Variants in PTPRD observed in about 807,000 individuals in gnomAD.
PTPRD encodes receptor-type tyrosine-protein phosphatase delta.
PTPRD carries 34 observed loss-of-function variants against 214.5 expected under a neutral mutation model. The ratio of observed to expected loss-of-function variants is 0.16; its 90% CI spans 0.12 to 0.21. PTPRD has a LOEUF of 0.21. Among genes scored for constraint, PTPRD ranks in the 10% least tolerant of loss-of-function variants. The probability of loss-of-function intolerance (pLI) is 1.00; values close to 1 mark genes in which losing one functional copy is unlikely to be tolerated. For missense variants in PTPRD, 2,545 were observed against 2,398.7 expected (o/e 1.06, Z -1.27); for synonymous variants, 1,128 against 845.7 (o/e 1.33, Z -5.79).
rs1345209420 is a variant in PTPRD, at chr9:10,435,705, CA to C, written c.-599-94689del. Among the ~76,000 whole-genome samples the C allele has an allele frequency of 7.9e-5, 12 of 151,924 alleles. No individual in the cohort carries two copies. In the East Asian group the frequency reaches 1.4e-3, roughly 17 times the overall value. On this transcript the variant is annotated intron_variant, in intron 2 of 45. Coordinates refer to ENST00000381196, the MANE Select transcript of PTPRD (RefSeq NM_002839.4). ...GATGAATATAAAATAAACTAATAAT[CA>C]TGCATAAAATATGTTTTATTATCCT...
chr9:8,354,098 TAATA>T (rs2076371171), intron 39 of PTPRD, among the ~76,000 whole-genome samples: 1 of 151,376 alleles, frequency 6.6e-6, no homozygotes, highest in African/African-American at 2.4e-5. Context: ...ATTTATTACA[TAATA>T]AATTGAAATT....
At position 9,974,936 on chromosome 9, in the gene PTPRD, T is replaced by C. The variant is rs34390875; in HGVS notation, c.-471-36326A>G. Among the ~76,000 whole-genome samples, 270 of 152,232 alleles carry C rather than the reference T, an allele frequency of 1.8e-3. 1 individual carries two copies. The highest frequency in any genetic ancestry group is 3.3e-3 in the Non-Finnish European group (225 of 68,008). The stretch of plus-strand genomic sequence containing the variant: ...CCTTATTTCTGAGATATTTATAGTA[T>C]ATTAAGGGGTAGAGAGAAGGAAAAC... On this transcript the variant is annotated intron_variant, in intron 4 of 45. Coordinates refer to ENST00000381196, the MANE Select transcript of PTPRD (RefSeq NM_002839.4).
chr9:9,649,108 T>C (rs1332058154), intron 7 of PTPRD, among the ~76,000 whole-genome samples: 1 of 152,112 alleles, frequency 6.6e-6, no homozygotes, highest in African/African-American at 2.4e-5. Flanking sequence ...AGACGCAGTG[T>C]TATTCAGGGT....
intron 3 of PTPRD, among the ~76,000 whole-genome samples, chr9:10,054,673 T>C (rs1397319237): frequency 6.6e-6 from 1 of 152,090 alleles, no homozygotes; most frequent in Non-Finnish European, 1.5e-5. Flanking sequence ...CTAACTTCAA[T>C]ATGCAGGAAT....
chr9:9,693,613 C>A (rs2097315195), intron 7 of PTPRD, among the ~76,000 whole-genome samples: 1 of 152,148 alleles, frequency 6.6e-6, no homozygotes, highest in African/African-American at 2.4e-5. Context: ...TCTTCTTGTA[C>A]ATGAATGTTA....
At chr9:9,433,082 A>C (rs918368599) in intron 8 of PTPRD, among the ~76,000 whole-genome samples, 2 of 152,160 alleles carry the variant, frequency 1.3e-5, no homozygotes, top group African/African-American at 4.8e-5. Flanking sequence ...AAGATAGGAC[A>C]AGGTAGATAA....
intron 3 of PTPRD, among the ~76,000 whole-genome samples, chr9:10,133,353 C>G (rs1057029351): frequency 6.6e-6 from 1 of 152,124 alleles, no homozygotes; most frequent in East Asian, 1.9e-4. Flanking sequence ...TAGATTCCTA[C>G]AGCTAAAAAA....
intron 8 of PTPRD, among the ~76,000 whole-genome samples, chr9:9,568,768 T>G (rs117771720): frequency 0.018 from 2,714 of 151,752 alleles, 45 homozygotes; most frequent in Admixed American, 0.025. Context: ...TTTGATGGGG[T>G]GATAAGGATA....
intron 3 of PTPRD, among the ~76,000 whole-genome samples, chr9:10,257,020 T>C (rs1280534731): frequency 1.3e-5 from 2 of 152,196 alleles, no homozygotes; most frequent in African/African-American, 4.8e-5. Context: ...ATATATCTGA[T>C]TGAATTTTGG....
At chr9:8,412,411 A>T in intron 35 of PTPRD, among the ~76,000 whole-genome samples, 1 of 152,126 alleles carries the variant, frequency 6.6e-6, no homozygotes, top group East Asian at 1.9e-4. Flanking sequence ...TGTTTTAGTA[A>T]ATTAGGAAGA....
At chr9:8,665,955 T>G (rs1468485349) in intron 12 of PTPRD, among the ~76,000 whole-genome samples, 3 of 152,088 alleles carry the variant, frequency 2.0e-5, no homozygotes, top group African/African-American at 7.2e-5. Flanking sequence ...TTCAAAGTGT[T>G]CCAATGAAAT....
chr9:10,211,994 C>T (rs73398337), intron 3 of PTPRD, among the ~76,000 whole-genome samples: 2,161 of 152,136 alleles, frequency 0.014, 42 homozygotes, highest in African/African-American at 0.046. Flanking sequence ...TTTGTCCATA[C>T]GATTGAATGT....
intron 37 of PTPRD, among the ~76,000 whole-genome samples, chr9:8,385,846 T>A (rs1043845467): frequency 7.2e-5 from 11 of 152,152 alleles, no homozygotes; most frequent in Non-Finnish European, 1.6e-4. Context: ...TCTGAGCTCC[T>A]CTCTCCTCTT....
At chr9:9,803,917 T>C (rs1049278067) in intron 5 of PTPRD, 1 of 152,068 alleles carries the variant, frequency 6.6e-6, no homozygotes, top group Admixed American at 6.6e-5. Context: ...AGATTTTGTT[T>C]AGTGTTTCAC....
chr9:9,958,381 A>G (rs1402891767), intron 4 of PTPRD, among the ~76,000 whole-genome samples: 1 of 152,164 alleles, frequency 6.6e-6, no homozygotes, highest in Non-Finnish European at 1.5e-5. Context: ...CATACAAAAA[A>G]TTAGCTGGGC....
intron 5 of PTPRD, among the ~76,000 whole-genome samples, chr9:9,930,964 T>G (rs895155116): frequency 2.6e-5 from 4 of 152,064 alleles, no homozygotes; most frequent in African/African-American, 9.7e-5. Flanking sequence ...TTTTCCTTAG[T>G]ATAAAATAAA....
intron 3 of PTPRD, among the ~76,000 whole-genome samples, chr9:10,300,530 G>A (rs1322915963): frequency 6.6e-6 from 1 of 152,204 alleles, no homozygotes; most frequent in African/African-American, 2.4e-5. Flanking sequence ...AATTCTCACT[G>A]CCAGCACAGA....
At chr9:8,340,884 G>C (rs1851839958) in intron 41 of PTPRD, among the ~76,000 whole-genome samples, 1 of 152,070 alleles carries the variant, frequency 6.6e-6, no homozygotes. Context: ...TATGAAAGAA[G>C]AGTGCAGAAG....
rs939349969 is a variant in PTPRD at position 10,129,582 on chromosome 9, G to T, written c.-544-95792C>A. Among the ~76,000 whole-genome samples the T allele has an allele frequency of 2.8e-5, 4 of 143,164 alleles. No individual in the cohort carries two copies. In the Admixed American group the frequency reaches 3.0e-4, roughly 11 times the overall value. 93.9% of individuals were successfully genotyped at this position (143,164 alleles called of 152,430 possible). ...TGTCTACCATCTCACCTACTATCAAGAAATCAGTTGCCAAATAAATGCTAG... is the reference window on the plus strand; with the variant it reads ...TGTCTACCATCTCACCTACTATCAATAAATCAGTTGCCAAATAAATGCTAG... On this transcript the variant is annotated intron_variant, in intron 3 of 45. Coordinates refer to ENST00000381196, the MANE Select transcript of PTPRD (RefSeq NM_002839.4).
Sources: allele counts gnomAD v4.1 joint callset (sites outside exome capture counted in the v4.1 genomes callset), GRCh38; gene constraint gnomAD v4.1.1; transcripts MANE v1.5; gene names NCBI Gene and HGNC (gene_info 2026-07-23, HGNC 2026-07-21).